Variants in ODAD2 observed in about 807,000 individuals in gnomAD.
ODAD2 encodes the protein outer dynein arm-docking complex subunit 2.
ODAD2 carries 89 observed loss-of-function variants against 106.8 expected under a neutral mutation model. That is an observed-to-expected ratio of 0.83 (90% CI 0.70 to 0.99). ODAD2 has a LOEUF of 0.99. ODAD2 is among the 50% of genes least tolerant of loss of function. The pLI is 0.00. For synonymous variants in ODAD2, 404 were observed against 436.2 expected (o/e 0.93, Z 0.92); for missense variants, 1,168 against 1,238.5 (o/e 0.94, Z 0.85).
At chr10:27,940,483 T>C (rs1173374365) in intron 13 of ODAD2, 80 bp downstream of exon 13, 4 of 1,539,018 alleles carry the variant, frequency 2.6e-6, no homozygotes, top group East Asian at 2.3e-5. Flanking sequence ...CCTTGAGCCA[T>C]CATGATAACC....
chr10:27,965,286 G>T (rs60815059), intron 9 of ODAD2, among the ~76,000 whole-genome samples: 12,533 of 152,176 alleles, frequency 0.082, 1,536 homozygotes, highest in African/African-American at 0.27. Context: ...TTCTGCCTAC[G>T]GTCCCCATGC....
chr10:27,936,691 A>C, intron 15 of ODAD2, 35 bp downstream of exon 15: 1 of 1,611,432 alleles, frequency 6.2e-7, no homozygotes. Context: ...CAGAAGCCGT[A>C]TCTTCATTTC....
At chr10:27,821,350 G>T (rs1836596307) in intron 19 of ODAD2, among the ~76,000 whole-genome samples, 1 of 152,144 alleles carries the variant, frequency 6.6e-6, no homozygotes, top group East Asian at 1.9e-4. Flanking sequence ...GAGGGGCTAG[G>T]CATCTAAAGG....
intron 19 of ODAD2, among the ~76,000 whole-genome samples, chr10:27,830,787 TCTTA>T (rs1305400181): frequency 6.6e-6 from 1 of 152,228 alleles, no homozygotes; most frequent in East Asian, 1.9e-4. Flanking sequence ...TCAATACTGA[TCTTA>T]CTTTAATATC....
chr10:27,837,022 C>T (rs557261419), intron 19 of ODAD2, among the ~76,000 whole-genome samples: 14 of 152,230 alleles, frequency 9.2e-5, no homozygotes, highest in African/African-American at 3.4e-4. Context: ...CCTAAACTGC[C>T]CACCGTGAGG....
intron 7 of ODAD2, among the ~76,000 whole-genome samples, chr10:27,975,771 TGAAGA>T (rs1178601633): frequency 2.0e-5 from 3 of 152,112 alleles, no homozygotes; most frequent in Non-Finnish European, 2.9e-5. Context: ...TCCAAAAAAT[TGAAGA>T]GAAGATGAAA....
chr10:27,985,131 C>T lies in ODAD2; in HGVS notation c.463G>A (p.Gly155Ser). 6.3e-7 allele frequency: 1 copy of T among 1,595,434 alleles called. No individual in the cohort carries two copies. Among genetic ancestry groups the T allele is most frequent in the Non-Finnish European group, 8.5e-7 (1 of 1,170,744 alleles). The change falls in exon 4 of 20, where the codon GGC (glycine) becomes AGC (serine). Residue 155 changes from glycine to serine, a missense_variant. By Grantham distance (56) the Gly-to-Ser change is moderately conservative. This residue lies in a region of ODAD2 where 430 missense variants were observed against 452.2 expected (regional missense o/e 0.95). Transcript: ENST00000305242. The part of the protein sequence containing the change: ...KENSIALNIL[G>S]KITRDDDPES... ...GGATCATCATCTCTGGTAATTTTGC[C>T]AAGAATATTTAATGCAATTGAGTTT...
In ODAD2 at chr10:27,901,778, T is replaced by C. The variant is rs138090734; in HGVS notation, c.2610+5885A>G. Among the ~76,000 whole-genome samples, 1,130 of 152,304 alleles carry C rather than the reference T, an allele frequency of 7.4e-3. 25 individuals carry two copies. Among genetic ancestry groups the C allele is most frequent in the Admixed American group, 0.033 (499 of 15,304 alleles). Reference sequence around the variant, plus strand: ...AAGAGCTAACTGACCTAAATATATATGCACCCAGTACAGGAGCACCCAGAT... The same window carrying C: ...AAGAGCTAACTGACCTAAATATATACGCACCCAGTACAGGAGCACCCAGAT... On this transcript the variant is annotated intron_variant, in intron 17 of 19. Coordinates refer to ENST00000305242, the MANE Select transcript of ODAD2 (RefSeq NM_018076.5).
At chr10:27,971,681 T>C (rs1459616306) in intron 7 of ODAD2, among the ~76,000 whole-genome samples, 7 of 152,138 alleles carry the variant, frequency 4.6e-5, no homozygotes, top group Admixed American at 2.6e-4. Flanking sequence ...AGGTATGACA[T>C]ATTACAGAGG....
chr10:27,836,805 G>A (rs959933246), intron 19 of ODAD2, among the ~76,000 whole-genome samples: 1 of 152,024 alleles, frequency 6.6e-6, no homozygotes, highest in African/African-American at 2.4e-5. Context: ...TAATAATGTT[G>A]GTTAATCAAT....
chr10:27,992,966 A>G (rs1850317927), intron 2 of ODAD2, among the ~76,000 whole-genome samples: 2 of 152,054 alleles, frequency 1.3e-5, no homozygotes, highest in South Asian at 4.2e-4. Context: ...CCCAGGCTGG[A>G]GTTCTGTGGT....
intron 19 of ODAD2, among the ~76,000 whole-genome samples, chr10:27,817,861 G>A (rs918412400): frequency 6.6e-6 from 1 of 152,070 alleles, no homozygotes; most frequent in African/African-American, 2.4e-5. Flanking sequence ...CCAGTAGGGG[G>A]ATTGCTGGAT....
rs902038923 is a variant in ODAD2, at chr10:27,812,354, A to G, written c.*158T>C. On this transcript the variant is annotated 3_prime_UTR_variant, in exon 20 of 20. Transcript: ENST00000305242. ...AAACAAAAGTCTCCATGCAATTTTC[A>G]GATGAAAAACATTCTGTGCATTTTC... 1.9e-5 allele frequency: 12 copies of G among 643,300 alleles called. No individual in the cohort carries two copies. Among genetic ancestry groups the G allele is most frequent in the Admixed American group, 3.7e-5 (1 of 26,864 alleles). 39.8% of individuals were successfully genotyped at this position (643,300 alleles called of 1,614,324 possible).
chr10:27,877,924 A>G (rs913445637), intron 17 of ODAD2, among the ~76,000 whole-genome samples: 1 of 152,224 alleles, frequency 6.6e-6, no homozygotes, highest in African/African-American at 2.4e-5. Flanking sequence ...ATAGACACAA[A>G]GGCTTGAGGT....
chr10:27,829,584 C>G (rs1215180776), intron 19 of ODAD2, among the ~76,000 whole-genome samples: 1 of 152,076 alleles, frequency 6.6e-6, no homozygotes, highest in Non-Finnish European at 1.5e-5. Context: ...CAGGACTTGT[C>G]TAAGACCTTT....
chr10:27,952,426 A>G (rs1426487765), intron 10 of ODAD2, among the ~76,000 whole-genome samples: 1 of 151,798 alleles, frequency 6.6e-6, no homozygotes, highest in Middle Eastern at 3.2e-3. Flanking sequence ...TCTAGGATAC[A>G]TGTGCAGAAC....
At chr10:27,840,329 T>G (rs1838214883) in intron 19 of ODAD2, among the ~76,000 whole-genome samples, 1 of 152,208 alleles carries the variant, frequency 6.6e-6, no homozygotes, top group Non-Finnish European at 1.5e-5. Context: ...GAATATCAAC[T>G]GACCTAAGAA....
intron 16 of ODAD2, among the ~76,000 whole-genome samples, chr10:27,911,101 T>C (rs1843985006): frequency 1.3e-5 from 2 of 152,130 alleles, no homozygotes; most frequent in Admixed American, 1.3e-4. Context: ...ATCGCCGCCG[T>C]CCTGCACTTA....
intron 17 of ODAD2, among the ~76,000 whole-genome samples, chr10:27,885,656 A>AAAATATATATAAT (rs1554800209): frequency 1.9e-4 from 4 of 21,292 alleles, no homozygotes; most frequent in Non-Finnish European, 3.4e-4. Flanking sequence ...TATTATATAT[A>AAAATATATATAAT]ATATATTATA....
Sources: gnomAD v4.1 joint callset for allele counts (sites outside exome capture counted in the v4.1 genomes callset) on GRCh38, gnomAD v4.1.1 for gene constraint, gnomAD v4.1.1 regional missense constraint, MANE v1.5 for transcripts, NCBI Gene and HGNC (gene_info 2026-07-23, HGNC 2026-07-21) for gene names.